Variants in SLC17A1 observed in about 807,000 individuals in gnomAD.
SLC17A1 encodes the protein solute carrier family 17 member 1.
In SLC17A1, 51 loss-of-function variants were observed where a neutral mutation model predicts 53.5. The observed-to-expected ratio is 0.95, with a 90% CI of 0.76 to 1.20. SLC17A1 has a LOEUF of 1.20. Among genes scored for constraint, SLC17A1 ranks in the 50% most tolerant of loss-of-function variants. SLC17A1 has a pLI of 0.00. For synonymous variants in SLC17A1, 179 were observed against 198.8 expected (o/e 0.90, Z 0.84); for missense variants, 538 against 568.2 (o/e 0.95, Z 0.54).
chr6:25,754,457 G>C, the SLC17A1 span, among the ~76,000 whole-genome samples: 1 of 152,174 alleles, frequency 6.6e-6, no homozygotes, highest in African/African-American at 2.4e-5. Flanking sequence ...GACCCCAGAA[G>C]GGGATAGTGC....
At chr6:25,738,090 C>T in the SLC17A1 span, among the ~76,000 whole-genome samples, 1 of 152,124 alleles carries the variant, frequency 6.6e-6, no homozygotes, top group East Asian at 1.9e-4. Context: ...CACAATAAAT[C>T]TTAAAAGTAC....
the SLC17A1 span, among the ~76,000 whole-genome samples, chr6:25,742,519 A>AAAAG: frequency 6.6e-6 from 1 of 151,692 alleles, no homozygotes; most frequent in Non-Finnish European, 1.5e-5. Flanking sequence ...ATACAAAAAA[A>AAAAG]AAAAAAAACA....
the SLC17A1 span, chr6:25,732,082 T>G: frequency 1.8e-6 from 2 of 1,103,912 alleles, no homozygotes; most frequent in Non-Finnish European, 1.2e-6. Flanking sequence ...TTGCGCTTTT[T>G]GTCCTCCTTC....
the SLC17A1 span, among the ~76,000 whole-genome samples, chr6:25,768,671 C>T: frequency 6.6e-6 from 1 of 152,274 alleles, no homozygotes; most frequent in African/African-American, 2.4e-5. Context: ...CCAGCCAATT[C>T]TTTCTCTAAA....
chr6:25,726,467 T>C, the SLC17A1 span: 2 of 1,613,974 alleles, frequency 1.2e-6, no homozygotes, highest in Admixed American at 1.7e-5. Flanking sequence ...AAACCCGCTC[T>C]AGAAGAGCGA....
chr6:25,780,526 G>A (rs989323241), downstream of SLC17A1: 7 of 152,176 alleles, frequency 4.6e-5, no homozygotes, highest in African/African-American at 1.7e-4. Context: ...ATGGCAGGAG[G>A]GAGAAATTAG....
At chr6:25,727,394 T>A in the SLC17A1 span, 4 of 1,003,684 alleles carry the variant, frequency 4.0e-6, no homozygotes, top group Non-Finnish European at 5.5e-6. Flanking sequence ...TTTCTAACCG[T>A]AAGGGTTTTT....
At chr6:25,781,666 A>G (rs558914927), downstream of SLC17A1, among the ~76,000 whole-genome samples, 1 of 152,284 alleles carries the variant, frequency 6.6e-6, no homozygotes, top group South Asian at 2.1e-4. Flanking sequence ...CTGTACAGAA[A>G]GCACATGGTG....
chr6:25,820,048 A>G lies in SLC17A1; in HGVS notation c.208-133T>C. On this transcript the variant is annotated intron_variant, in intron 3 of 12. Coordinates refer to ENST00000244527, the MANE Select transcript of SLC17A1 (RefSeq NM_005074.5). ...CCCTCTTACTAGTATTCTTTATCACAGGACCTTCTTTATTCTTTTATCACA... is the reference window on the plus strand; with the variant it reads ...CCCTCTTACTAGTATTCTTTATCACGGGACCTTCTTTATTCTTTTATCACA... The G allele has an allele frequency of 8.3e-6, 5 of 605,942 alleles. No homozygotes were observed. In the South Asian group the frequency reaches 8.4e-5, roughly 10 times the overall value. The allele number at this position is 605,942 out of a possible 1,614,324, so 37.5% of individuals were successfully genotyped here. A position where few individuals can be genotyped will look rare whatever the true frequency, so the allele number is the denominator to read the frequency against.
intron 12 of SLC17A1, chr6:25,798,571 A>C (rs1444446404): frequency 2.0e-5 from 8 of 393,276 alleles, no homozygotes; most frequent in Non-Finnish European, 3.1e-5. Context: ...GATGTTAAAG[A>C]GGCCCAGCCT....
chr6:25,746,637 T>C, the SLC17A1 span, among the ~76,000 whole-genome samples: 1 of 152,188 alleles, frequency 6.6e-6, no homozygotes, highest in African/African-American at 2.4e-5. Context: ...TGTTGTGGAA[T>C]ATTAGACAAG....
intron 2 of SLC17A1, among the ~76,000 whole-genome samples, chr6:25,827,244 A>AT (rs1249747787): frequency 1.3e-5 from 2 of 152,082 alleles, no homozygotes; most frequent in Non-Finnish European, 2.9e-5. Context: ...AACAAATGGC[A>AT]TTTTTTTCAA....
chr6:25,726,536 A>C, the SLC17A1 span: 6 of 1,601,186 alleles, frequency 3.7e-6, no homozygotes, highest in Non-Finnish European at 5.1e-6. Flanking sequence ...ATCTCCTCGC[A>C]TCAAATTGCA....
chr6:25,804,003 C>T (rs1763871985), intron 10 of SLC17A1, among the ~76,000 whole-genome samples: 1 of 152,152 alleles, frequency 6.6e-6, no homozygotes, highest in Non-Finnish European at 1.5e-5. Context: ...ATCTGTGCTT[C>T]TAATCATAAG....
intron 12 of SLC17A1, among the ~76,000 whole-genome samples, chr6:25,796,477 A>G (rs1763605414): frequency 6.6e-6 from 1 of 151,958 alleles, no homozygotes; most frequent in South Asian, 2.1e-4. Flanking sequence ...GTAGTGTTGC[A>G]TGCCTATAGT....
intron 12 of SLC17A1, among the ~76,000 whole-genome samples, chr6:25,796,298 A>C (rs1227004643): frequency 5.3e-5 from 8 of 152,166 alleles, no homozygotes; most frequent in Admixed American, 5.2e-4. Context: ...TTCCATATCC[A>C]GATTTTTGCC....
chr6:25,762,168 T>C, the SLC17A1 span: 6 of 799,798 alleles, frequency 7.5e-6, no homozygotes, highest in Non-Finnish European at 9.9e-6. Context: ...CACATCATTT[T>C]CCTTGCTACC....
chr6:25,813,204 C>G lies in SLC17A1; in HGVS notation c.626G>C (p.Gly209Ala). 1 of 1,613,704 alleles carries G rather than the reference C, an allele frequency of 6.2e-7. No individual in the cohort carries two copies. The highest frequency in any genetic ancestry group is 8.5e-7 in the Non-Finnish European group (1 of 1,179,620). The change falls in exon 7 of 13, where the codon GGC (glycine) becomes GCC (alanine). Residue 209 changes from glycine to alanine, a missense_variant. Physicochemically the swap from Gly to Ala is moderately conservative, Grantham distance 60 (BLOSUM62 0). Coordinates refer to ENST00000244527, the MANE Select transcript of SLC17A1 (RefSeq NM_005074.5). Reference protein sequence around the residue: ...PMVFYIFGACGCAVCLLWFVL... With the variant: ...PMVFYIFGACACAVCLLWFVL... ...GAACCAGAGAAGACATACGGCACAG[C>G]CACAAGCACCTATCAAAGCAGGGTA... is the stretch of plus-strand genomic sequence containing the variant.
At chr6:25,801,512 T>C (rs779140587) in intron 10 of SLC17A1, among the ~76,000 whole-genome samples, 4 of 152,142 alleles carry the variant, frequency 2.6e-5, no homozygotes, top group Non-Finnish European at 2.9e-5. Context: ...CAGCGAACGA[T>C]AGATAAAGGG....
Sources: gnomAD v4.1 joint callset for allele counts (sites outside exome capture counted in the v4.1 genomes callset) on GRCh38, gnomAD v4.1.1 for gene constraint, MANE v1.5 for transcripts, NCBI Gene and HGNC (gene_info 2026-07-23, HGNC 2026-07-21) for gene names.